Variants in PAK1 observed in about 807,000 individuals in gnomAD.
PAK1 encodes the protein p21 (RAC1) activated kinase 1, also known as serine/threonine-protein kinase PAK 1.
In PAK1, 29 loss-of-function variants were observed where a neutral mutation model predicts 67.4. The observed-to-expected ratio is 0.43, with a 90% CI of 0.32 to 0.59. The LOEUF (loss-of-function observed/expected upper bound fraction) is 0.59, where lower values mean the gene tolerates loss of function less well. PAK1 is among the 20% of genes least tolerant of loss of function. The pLI, the probability that PAK1 is intolerant of heterozygous loss-of-function variation, is 0.07. For missense variants in PAK1, 337 were observed against 670.7 expected (o/e 0.50, Z 5.50); for synonymous variants, 223 against 237.4 (o/e 0.94, Z 0.56).
the PAK1 span, among the ~76,000 whole-genome samples, chr11:77,495,034 C>T: frequency 0.01 from 1,534 of 151,850 alleles, 32 homozygotes; most frequent in African/African-American, 0.035. Context: ...TGGTGACATG[C>T]GCCTGTAGTC....
chr11:77,341,913 G>A (rs886252008), intron 10 of PAK1, among the ~76,000 whole-genome samples: 1 of 152,142 alleles, frequency 6.6e-6, no homozygotes, highest in African/African-American at 2.4e-5. Flanking sequence ...ATTTTTTAAT[G>A]TCCTGACTAA....
At chr11:77,330,012 C>A (rs922566700) in intron 14 of PAK1, among the ~76,000 whole-genome samples, 5 of 151,958 alleles carry the variant, frequency 3.3e-5, no homozygotes, top group Non-Finnish European at 7.4e-5. Context: ...AGAGCCAAAT[C>A]ATGAGTGAAC....
chr11:77,519,731 G>A, the PAK1 span, among the ~76,000 whole-genome samples: 1 of 152,220 alleles, frequency 6.6e-6, no homozygotes, highest in Admixed American at 6.5e-5. Flanking sequence ...ACCTGGAAAT[G>A]TAGATTGCAT....
intron 14 of PAK1, chr11:77,329,428 A>C (rs1940898541): frequency 6.6e-6 from 1 of 152,260 alleles, no homozygotes; most frequent in Non-Finnish European, 1.5e-5. Context: ...CAAAAAGCTT[A>C]TCCGCCATGA....
chr11:77,351,667 G>A (rs1456122198), intron 8 of PAK1, among the ~76,000 whole-genome samples: 1 of 151,812 alleles, frequency 6.6e-6, no homozygotes, highest in Non-Finnish European at 1.5e-5. Flanking sequence ...AATAACAGAT[G>A]TGAACTGTAG....
At chr11:77,463,553 T>C (rs1957458666) in intron 1 of PAK1, among the ~76,000 whole-genome samples, 1 of 152,206 alleles carries the variant, frequency 6.6e-6, no homozygotes, top group African/African-American at 2.4e-5. Flanking sequence ...TTATTCTTCA[T>C]CAATATTTAT....
At chr11:77,483,197 CAAA>C in the PAK1 span, among the ~76,000 whole-genome samples, 3 of 102,174 alleles carry the variant, frequency 2.9e-5, no homozygotes, top group Non-Finnish European at 1.9e-5. Flanking sequence ...GACTCCATCT[CAAA>C]AAAAAAAAAA....
chr11:77,503,954 C>T, the PAK1 span, among the ~76,000 whole-genome samples: 4 of 152,116 alleles, frequency 2.6e-5, no homozygotes, highest in Admixed American at 1.3e-4. Context: ...TGCAGTGGCG[C>T]GATCTCAACT....
intron 1 of PAK1, among the ~76,000 whole-genome samples, chr11:77,399,176 T>C (rs923182683): frequency 2.0e-5 from 3 of 152,172 alleles, no homozygotes; most frequent in African/African-American, 4.8e-5. Context: ...GACAGATAGA[T>C]AGGTAGATAG....
the PAK1 span, chr11:77,514,844 G>GCAAAGTATATATTGGCTCCATTT: frequency 6.6e-6 from 1 of 152,000 alleles, no homozygotes; most frequent in Admixed American, 6.6e-5. Flanking sequence ...TAACAATCCT[G>GCAAAGTATATATTGGCTCCATTT]CACAGGTGCA....
chr11:77,488,301 C>G, the PAK1 span, among the ~76,000 whole-genome samples: 1 of 151,992 alleles, frequency 6.6e-6, no homozygotes, highest in African/African-American at 2.4e-5. Flanking sequence ...CTTCAAATAC[C>G]TGGAAAGCCT....
At chr11:77,388,554 C>T (rs534798361) in intron 2 of PAK1, among the ~76,000 whole-genome samples, 18 of 152,270 alleles carry the variant, frequency 1.2e-4, no homozygotes, top group Admixed American at 3.3e-4. Context: ...GGGGTTTCAC[C>T]GTGTTAGCCA....
the PAK1 span, among the ~76,000 whole-genome samples, chr11:77,504,031 A>T: frequency 6.6e-6 from 1 of 152,082 alleles, no homozygotes; most frequent in Non-Finnish European, 1.5e-5. Context: ...AGCGGGGATT[A>T]TAGTCACCCA....
chr11:77,444,944 A>G (rs752137499), intron 1 of PAK1, among the ~76,000 whole-genome samples: 1 of 151,820 alleles, frequency 6.6e-6, no homozygotes, highest in Non-Finnish European at 1.5e-5. Context: ...CTGACCATCC[A>G]GCCTACTGTT....
the PAK1 span, among the ~76,000 whole-genome samples, chr11:77,520,317 G>A: frequency 6.6e-6 from 1 of 152,258 alleles, no homozygotes; most frequent in African/African-American, 2.4e-5. Context: ...CCTATCTAAA[G>A]GTCCCTGGCA....
chr11:77,385,032 C>T (rs1950282167), intron 2 of PAK1, among the ~76,000 whole-genome samples: 1 of 152,054 alleles, frequency 6.6e-6, no homozygotes, highest in African/African-American at 2.4e-5. Flanking sequence ...TGATTAGAAA[C>T]TCTTAGCAAA....
chr11:77,382,562 T>A (rs1035277616), intron 2 of PAK1, among the ~76,000 whole-genome samples: 2 of 152,226 alleles, frequency 1.3e-5, no homozygotes, highest in African/African-American at 4.8e-5. Flanking sequence ...AGTCATTTCC[T>A]ATCTTATATA....
At chr11:77,450,916 C>T (rs1278074717) in intron 1 of PAK1, among the ~76,000 whole-genome samples, 1 of 151,976 alleles carries the variant, frequency 6.6e-6, no homozygotes, top group East Asian at 1.9e-4. Context: ...AAGAGCTTGC[C>T]TATGTGCCAC....
At chr11:77,360,230 T>C (rs1458936911) in intron 5 of PAK1, among the ~76,000 whole-genome samples, 1 of 152,134 alleles carries the variant, frequency 6.6e-6, no homozygotes, top group Non-Finnish European at 1.5e-5. Context: ...CTGGCATAGA[T>C]TTTAACAGGG....
Sources: allele counts gnomAD v4.1 joint callset (sites outside exome capture counted in the v4.1 genomes callset), GRCh38; gene constraint gnomAD v4.1.1; transcripts MANE v1.5; gene names NCBI Gene and HGNC (gene_info 2026-07-23, HGNC 2026-07-21).